Variants in ARHGEF33 observed in about 807,000 individuals in gnomAD.
ARHGEF33 encodes Rho guanine nucleotide exchange factor 33, also known as DH and coiled-coil domain-containing protein ENSP00000381780.
A neutral mutation model predicts 101.9 loss-of-function variants in ARHGEF33; 72 were observed. That is an observed-to-expected ratio of 0.71 (90% CI 0.58 to 0.86). The LOEUF is 0.86. Ranked by LOEUF, ARHGEF33 falls within the 40% of genes least tolerant of loss-of-function variation. The pLI, the probability that ARHGEF33 is intolerant of heterozygous loss-of-function variation, is 0.00. For synonymous variants in ARHGEF33, 499 were observed against 442.5 expected, an observed-to-expected ratio of 1.13 and a Z score of -1.60; for missense variants, 1,169 against 1,111.3, an observed-to-expected ratio of 1.05 and a Z score of -0.74.
At chr2:38,948,871 AC>A (rs1667518037) in intron 10 of ARHGEF33, among the ~76,000 whole-genome samples, 4 of 152,006 alleles carry the variant, frequency 2.6e-5, no homozygotes, top group African/African-American at 9.7e-5. Context: ...CAGTCAGTAT[AC>A]CCCGTAGCTA....
chr2:38,940,673 C>T (rs909240659), intron 9 of ARHGEF33, among the ~76,000 whole-genome samples: 2 of 152,114 alleles, frequency 1.3e-5, no homozygotes, highest in African/African-American at 2.4e-5. Context: ...AATCACTTGG[C>T]GGGTCCTTCT....
At chr2:38,894,487 A>AAAAC (rs147889081) in intron 1 of ARHGEF33, among the ~76,000 whole-genome samples, 6 of 152,068 alleles carry the variant, frequency 3.9e-5, no homozygotes, top group African/African-American at 7.2e-5. Context: ...TCTTACATTA[A>AAAAC]AAACAAACAA....
At chr2:38,914,963 A>C (rs1188392851) in intron 2 of ARHGEF33, among the ~76,000 whole-genome samples, 1 of 152,148 alleles carries the variant, frequency 6.6e-6, no homozygotes, top group Non-Finnish European at 1.5e-5. Flanking sequence ...TTAATTTTTA[A>C]AAAGTTTTTC....
chr2:38,914,941 T>C (rs1429918045), intron 2 of ARHGEF33, among the ~76,000 whole-genome samples: 3 of 152,150 alleles, frequency 2.0e-5, no homozygotes, highest in Non-Finnish European at 4.4e-5. Context: ...ATAATAATGG[T>C]CCATTTTTTT....
chr2:38,966,116 C>A lies in ARHGEF33; in HGVS notation c.2454C>A (p.Arg818=). 1.9e-6 allele frequency: 3 copies of A among 1,551,702 alleles called. No homozygotes were observed. The highest frequency in any genetic ancestry group is 2.6e-6 in the Non-Finnish European group (3 of 1,146,990). ...GGCAAGACCAGAAGGGGGGCTTTCG[C>A]AGCTCCTTCCGCAAGCTCTTTAAAA... is the stretch of plus-strand genomic sequence containing the variant. ...NPRQDQKGGF[R]SSFRKLFKKK... The change falls in exon 17 of 18, where the codon CGC becomes CGA. Residue 818 remains arginine (R), a synonymous_variant. Transcript: ENST00000409978.
intron 14 of ARHGEF33, among the ~76,000 whole-genome samples, chr2:38,957,682 G>A (rs1667803514): frequency 6.6e-6 from 1 of 152,154 alleles, no homozygotes; most frequent in Non-Finnish European, 1.5e-5. Flanking sequence ...TAATGACCTG[G>A]ATTTCCTTCA....
intron 9 of ARHGEF33, among the ~76,000 whole-genome samples, chr2:38,938,425 G>A (rs112037971): frequency 0.035 from 5,302 of 152,260 alleles, 285 homozygotes; most frequent in African/African-American, 0.12. Flanking sequence ...TCTGGTCTCC[G>A]CTACATGGGA....
At chr2:38,947,567 A>C (rs1199863301) in intron 10 of ARHGEF33, among the ~76,000 whole-genome samples, 1 of 152,124 alleles carries the variant, frequency 6.6e-6, no homozygotes. Flanking sequence ...TCATACCACT[A>C]ACAGCTACTT....
chr2:38,960,313 G>C lies in ARHGEF33; in HGVS notation c.2008G>C (p.Glu670Gln), dbSNP rs890256824. 4.7e-5 allele frequency: 72 copies of C among 1,543,644 alleles called. No individual in the cohort carries two copies. The highest frequency in any genetic ancestry group is 5.7e-5 in the Non-Finnish European group (65 of 1,145,906). Residue 670 changes from glutamate to glutamine, a missense_variant, in exon 16 of 18, where the codon GAG (glutamate) becomes CAG (glutamine). Transcript: ENST00000409978. ...VSFAMEAERPEHPLQPLPKSA... is the reference protein window; with the variant it reads ...VSFAMEAERPQHPLQPLPKSA... ...CTTCGCCATGGAGGCCGAGCGGCCGGAGCACCCGCTGCAGCCGCTGCCCAA... is the reference window on the plus strand; with the variant it reads ...CTTCGCCATGGAGGCCGAGCGGCCGCAGCACCCGCTGCAGCCGCTGCCCAA...
Position 38,960,407 on chromosome 2 carries a change from A to C in ARHGEF33, c.2102A>C (p.Lys701Thr), listed in dbSNP as rs991393840. 2.8e-5 allele frequency: 43 copies of C among 1,511,626 alleles called. No homozygotes were observed. The African/African-American group carries it at 5.2e-4, about 18-fold the overall frequency. The allele number at this position is 1,511,626 out of a possible 1,614,324, so 93.6% of individuals were successfully genotyped here. Residue 701 changes from lysine to threonine, a missense_variant, in exon 16 of 18, where the codon AAG becomes ACG. Coordinates refer to ENST00000409978, the MANE Select transcript of ARHGEF33 (RefSeq NM_001145451.5). The stretch of plus-strand genomic sequence containing the variant: ...GAGGCGGCGGCGCAGGCGCACGGCA[A>C]GGCCAAGCCGCTGAGCCGCTCTCTC... ...KLEAAAQAHG[K>T]AKPLSRSLKE...
At position 38,960,175 on chromosome 2, in the gene ARHGEF33, G is replaced by C; in HGVS notation, c.1870G>C (p.Ala624Pro). The change falls in exon 16 of 18, where the codon GCG becomes CCG. Residue 624 changes from alanine (A) to proline (P), a missense_variant. Physicochemically the swap from Ala to Pro is conservative, Grantham distance 27 (BLOSUM62 -1). Coordinates refer to ENST00000409978, the MANE Select transcript of ARHGEF33 (RefSeq NM_001145451.5). ...GTTCGAGTACGGCGGCGAGATCTTC[G>C]CGCTGCCCGCGCCCTACGACGAGGA... ...EEFEYGGEIF[A>P]LPAPYDEEPF... 1 of 1,542,882 alleles carries C rather than the reference G, an allele frequency of 6.5e-7. No individual in the cohort carries two copies.
chr2:38,960,252 G>A lies in ARHGEF33; in HGVS notation c.1947G>A (p.Glu649=). ...AGAACTGCTCGCCTGCCTCCTCCGA[G>A]TCCAGCCTGGACATCTGCTTCCTGC... ...LFENCSPASS[E]SSLDICFLRP... is the part of the protein sequence containing the mutation. The change falls in exon 16 of 18, where the codon GAG becomes GAA. Residue 649 remains glutamate, a synonymous_variant. Coordinates refer to ENST00000409978, the MANE Select transcript of ARHGEF33 (RefSeq NM_001145451.5). 1.3e-6 allele frequency: 2 copies of A among 1,548,210 alleles called. No homozygotes were observed. The highest frequency in any genetic ancestry group is 1.7e-6 in the Non-Finnish European group (2 of 1,146,228).
chr2:38,920,398 CTTTTTTTTTTTT>C (rs61429948), intron 3 of ARHGEF33, among the ~76,000 whole-genome samples: 1 of 77,822 alleles, frequency 1.3e-5, no homozygotes, highest in Non-Finnish European at 2.3e-5. Flanking sequence ...TCTTTCTTTC[CTTTTTTTTTTTT>C]TTTTTTTTTT....
chr2:38,939,995 C>T lies in ARHGEF33; in HGVS notation c.790+2436C>T, dbSNP rs531225125. 2.0e-5 allele frequency among the ~76,000 whole-genome samples: 3 copies of T among 152,276 alleles called. No homozygotes were observed. The East Asian group carries it at 5.8e-4, about 29-fold the overall frequency. On this transcript the variant is annotated intron_variant, in intron 9 of 17. Transcript: ENST00000409978. ...TTTTGATGTACAGTGTGAGAAAGGG[C>T]TCCAGGTTCATTTTTTTTCCAGATG...
intron 4 of ARHGEF33, among the ~76,000 whole-genome samples, chr2:38,928,048 T>G (rs1285447408): frequency 6.6e-6 from 1 of 152,188 alleles, no homozygotes; most frequent in Admixed American, 6.5e-5. Context: ...CTTACCTACA[T>G]TTACTCAGTT....
intron 13 of ARHGEF33, among the ~76,000 whole-genome samples, chr2:38,954,842 C>T (rs1667700820): frequency 6.6e-6 from 1 of 152,070 alleles, no homozygotes; most frequent in Admixed American, 6.5e-5. Flanking sequence ...CCATGTTGGC[C>T]AGGCTGGTCT....
chr2:38,956,763 G>C (rs1667777685), intron 13 of ARHGEF33, 136 bp from the exon 14 acceptor site: 1 of 1,048,168 alleles, frequency 9.5e-7, no homozygotes, highest in Admixed American at 2.7e-5. Context: ...TAATTAGATG[G>C]GGGTCATGTG....
chr2:38,951,133 T>C lies in ARHGEF33; in HGVS notation c.1053+12T>C. On this transcript the variant is annotated intron_variant, in intron 11 of 17. Coordinates refer to ENST00000409978, the MANE Select transcript of ARHGEF33 (RefSeq NM_001145451.5). ...TAACAAATGACGAGGTAAGGTTTTT[T>C]CTGCCCCTCTATACATTTTACTTAT... 1 of 1,551,366 alleles carries C rather than the reference T, an allele frequency of 6.4e-7. No individual in the cohort carries two copies. Among genetic ancestry groups the C allele is most frequent in the Non-Finnish European group, 8.7e-7 (1 of 1,146,754 alleles).
intron 17 of ARHGEF33, chr2:38,969,386 C>T (rs1290155801): frequency 1.2e-5 from 2 of 168,890 alleles, no homozygotes; most frequent in African/African-American, 4.8e-5. Flanking sequence ...TCTACACTGA[C>T]ACACTTTTTG....
Sources: allele counts gnomAD v4.1 joint callset (sites outside exome capture counted in the v4.1 genomes callset), GRCh38; gene constraint gnomAD v4.1.1; transcripts MANE v1.5; gene names NCBI Gene and HGNC (gene_info 2026-07-23, HGNC 2026-07-21).